ARHGAP26: variants seen among roughly 807,000 people sequenced by gnomAD.
ARHGAP26 encodes Rho GTPase activating protein 26, also known as rho GTPase-activating protein 26.
A neutral mutation model predicts 104.8 loss-of-function variants in ARHGAP26; 38 were observed. That is an observed-to-expected ratio of 0.36 (90% CI 0.28 to 0.48). The LOEUF (loss-of-function observed/expected upper bound fraction) is 0.48, where lower values mean the gene tolerates loss of function less well. ARHGAP26 is among the 20% of genes least tolerant of loss of function. The pLI, the probability that ARHGAP26 is intolerant of heterozygous loss-of-function variation, is 0.99. For synonymous variants in ARHGAP26, 341 were observed against 340.0 expected (o/e 1.00, Z -0.03); for missense variants, 704 against 947.9 (o/e 0.74, Z 3.38).
At chr5:143,001,325 C>T (rs911606771) in intron 11 of ARHGAP26, among the ~76,000 whole-genome samples, 3 of 152,130 alleles carry the variant, frequency 2.0e-5, no homozygotes, top group African/African-American at 4.8e-5. Context: ...ATTGTATGTA[C>T]ATTTTACATT....
At chr5:142,974,220 A>G (rs1275694739) in intron 11 of ARHGAP26, among the ~76,000 whole-genome samples, 2 of 150,318 alleles carry the variant, frequency 1.3e-5, no homozygotes, top group Non-Finnish European at 3.0e-5. Context: ...TTTTTTTTTA[A>G]ATATCTGAAT....
intron 3 of ARHGAP26, among the ~76,000 whole-genome samples, chr5:142,876,017 C>T (rs890397760): frequency 6.6e-6 from 1 of 152,230 alleles, no homozygotes. Context: ...GCTGGGATTA[C>T]AGGCATGAGC....
At chr5:142,772,101 G>A (rs879557307) in intron 1 of ARHGAP26, among the ~76,000 whole-genome samples, 2 of 152,252 alleles carry the variant, frequency 1.3e-5, no homozygotes, top group African/African-American at 4.8e-5. Flanking sequence ...AGTCGTAGCT[G>A]TGGGAATTGT....
At chr5:143,195,743 A>G (rs1235406013) in intron 20 of ARHGAP26, among the ~76,000 whole-genome samples, 2 of 152,098 alleles carry the variant, frequency 1.3e-5, no homozygotes, top group South Asian at 2.1e-4. Flanking sequence ...AGGCTGAACT[A>G]TCATTTTGCC....
At chr5:143,103,786 G>A (rs1562431407) in intron 17 of ARHGAP26, among the ~76,000 whole-genome samples, 2 of 152,110 alleles carry the variant, frequency 1.3e-5, no homozygotes, top group South Asian at 4.1e-4. Context: ...CATACACCGG[G>A]ACCTAACAGG....
chr5:142,804,296 T>C (rs1193203404), intron 1 of ARHGAP26, among the ~76,000 whole-genome samples: 2 of 152,172 alleles, frequency 1.3e-5, no homozygotes. Context: ...ATTCCGTAAC[T>C]ATTACACATA....
At chr5:143,163,858 A>G (rs949678548) in intron 20 of ARHGAP26, among the ~76,000 whole-genome samples, 12 of 152,136 alleles carry the variant, frequency 7.9e-5, no homozygotes, top group Non-Finnish European at 1.6e-4. Context: ...TTTCCCACTG[A>G]GACCTCTATG....
At chr5:142,902,494 GA>G (rs1377137990) in intron 7 of ARHGAP26, among the ~76,000 whole-genome samples, 3 of 152,336 alleles carry the variant, frequency 2.0e-5, no homozygotes. Context: ...AGGCTGGCAG[GA>G]AATCCAAGTC....
chr5:143,108,191 A>G (rs1036276225), intron 17 of ARHGAP26, among the ~76,000 whole-genome samples: 1 of 152,238 alleles, frequency 6.6e-6, no homozygotes, highest in African/African-American at 2.4e-5. Flanking sequence ...AGGTGTAATC[A>G]ATTCAGATTG....
intron 11 of ARHGAP26, among the ~76,000 whole-genome samples, chr5:142,989,084 A>G (rs1161315891): frequency 6.6e-6 from 1 of 152,156 alleles, no homozygotes; most frequent in Admixed American, 6.6e-5. Flanking sequence ...TAATGTTGAC[A>G]GTGGTGTGTT....
At chr5:142,943,899 A>G (rs1766736865) in intron 11 of ARHGAP26, among the ~76,000 whole-genome samples, 1 of 152,104 alleles carries the variant, frequency 6.6e-6, no homozygotes, top group Non-Finnish European at 1.5e-5. Flanking sequence ...CCTTTGGGGA[A>G]TAGGATTAGT....
chr5:142,797,367 A>G (rs1311933444), intron 1 of ARHGAP26, among the ~76,000 whole-genome samples: 1 of 152,196 alleles, frequency 6.6e-6, no homozygotes, highest in Non-Finnish European at 1.5e-5. Flanking sequence ...GAATGTTGCA[A>G]GTAGTTTTGT....
intron 11 of ARHGAP26, among the ~76,000 whole-genome samples, chr5:142,963,558 A>G (rs1191065079): frequency 1.3e-5 from 2 of 152,156 alleles, no homozygotes; most frequent in African/African-American, 4.8e-5. Flanking sequence ...AACTCTTAAT[A>G]TCTAAACACC....
At position 142,989,022 on chromosome 5, in the gene ARHGAP26, C is replaced by G. The variant is rs575302157; in HGVS notation, c.1108-25058C>G. Among the ~76,000 whole-genome samples the G allele has an allele frequency of 2.0e-5, 3 of 152,298 alleles. No homozygotes were observed. In the South Asian group the frequency reaches 6.2e-4, roughly 32 times the overall value. ...TCTTTTAGGTCTGCTTGGTGCAGAGCTGAGTTCAATTCCTGGATATCCTTT... is the reference window on the plus strand; with the variant it reads ...TCTTTTAGGTCTGCTTGGTGCAGAGGTGAGTTCAATTCCTGGATATCCTTT... On this transcript the variant is annotated intron_variant, in intron 11 of 22. Coordinates refer to ENST00000645722, the MANE Select transcript of ARHGAP26 (RefSeq NM_001135608.3).
chr5:143,206,195 C>G (rs1307921241), intron 20 of ARHGAP26, among the ~76,000 whole-genome samples: 1 of 152,176 alleles, frequency 6.6e-6, no homozygotes, highest in Non-Finnish European at 1.5e-5. Flanking sequence ...ATTTTTGCCC[C>G]CATGAAGGGC....
chr5:143,192,926 C>A (rs767718569), intron 20 of ARHGAP26, among the ~76,000 whole-genome samples: 32 of 152,108 alleles, frequency 2.1e-4, no homozygotes, highest in Non-Finnish European at 2.9e-4. Context: ...TTGTTGGATC[C>A]AGAAAGAAGA....
chr5:143,206,325 T>TGTGAA (rs1318854369), intron 20 of ARHGAP26, among the ~76,000 whole-genome samples: 1 of 152,236 alleles, frequency 6.6e-6, no homozygotes, highest in African/African-American at 2.4e-5. Context: ...TTCACAGAGT[T>TGTGAA]GTGAAGGTGC....
At chr5:142,879,998 T>A (rs891166687) in intron 4 of ARHGAP26, among the ~76,000 whole-genome samples, 1 of 152,226 alleles carries the variant, frequency 6.6e-6, no homozygotes, top group Non-Finnish European at 1.5e-5. Context: ...CAGTTTTATG[T>A]GAAATTTCTT....
At chr5:143,020,432 A>G (rs1484011281) in intron 12 of ARHGAP26, among the ~76,000 whole-genome samples, 1 of 152,136 alleles carries the variant, frequency 6.6e-6, no homozygotes, top group African/African-American at 2.4e-5. Context: ...TGTCATATTC[A>G]AACCATCTAC....
Sources: allele counts gnomAD v4.1 joint callset (sites outside exome capture counted in the v4.1 genomes callset), GRCh38; gene constraint gnomAD v4.1.1; transcripts MANE v1.5; gene names NCBI Gene and HGNC (gene_info 2026-07-23, HGNC 2026-07-21).